TSPAN18: variants seen among roughly 807,000 people sequenced by gnomAD.
TSPAN18 encodes tetraspanin 18, also known as tetraspanin-18.
A neutral mutation model predicts 27.3 loss-of-function variants in TSPAN18; 14 were observed. The ratio of observed to expected loss-of-function variants is 0.51; its 90% CI spans 0.34 to 0.80. The LOEUF is 0.80. Among genes scored for constraint, TSPAN18 ranks in the 30% least tolerant of loss-of-function variants. The pLI is 0.01. For missense variants in TSPAN18, 268 were observed against 323.9 expected (o/e 0.83, Z 1.32); for synonymous variants, 143 against 136.5 (o/e 1.05, Z -0.33).
intron 1 of TSPAN18, among the ~76,000 whole-genome samples, chr11:44,733,734 A>T (rs1386598008): frequency 2.0e-5 from 3 of 152,096 alleles, no homozygotes; most frequent in Non-Finnish European, 4.4e-5. Flanking sequence ...TGGGACCCAC[A>T]TTTGGGCCGC....
At chr11:44,925,974 G>A (rs1055247168) in intron 8 of TSPAN18, among the ~76,000 whole-genome samples, 1 of 152,030 alleles carries the variant, frequency 6.6e-6, no homozygotes, top group African/African-American at 2.4e-5. Flanking sequence ...TCTCGATCTC[G>A]ATCTCGATCT....
intron 2 of TSPAN18, among the ~76,000 whole-genome samples, chr11:44,772,603 A>G (rs1036979246): frequency 3.3e-5 from 5 of 152,232 alleles, no homozygotes; most frequent in Non-Finnish European, 5.9e-5. Context: ...TAGTTTATTC[A>G]TGATAGGTAA....
intron 2 of TSPAN18, among the ~76,000 whole-genome samples, chr11:44,848,367 T>G (rs1857527678): frequency 1.3e-5 from 2 of 152,216 alleles, no homozygotes; most frequent in Admixed American, 1.3e-4. Flanking sequence ...CTGGCTCTGC[T>G]GGCTCCACTG....
chr11:44,853,277 G>A (rs1857648155), intron 2 of TSPAN18, among the ~76,000 whole-genome samples: 1 of 152,100 alleles, frequency 6.6e-6, no homozygotes, highest in Non-Finnish European at 1.5e-5. Flanking sequence ...CTTGGGTTAG[G>A]GACGTAGAGT....
intron 2 of TSPAN18, among the ~76,000 whole-genome samples, chr11:44,827,535 G>A (rs1230946575): frequency 2.0e-5 from 3 of 152,216 alleles, no homozygotes; most frequent in African/African-American, 7.2e-5. Context: ...GGTGTCTCCA[G>A]GTAGGTGATT....
In TSPAN18 at chr11:44,919,867, G is replaced by A; in HGVS notation, c.483G>A (p.Val161=). The A allele has an allele frequency of 6.2e-7, 1 of 1,614,210 alleles. No individual in the cohort carries two copies. Among genetic ancestry groups the A allele is most frequent in the Non-Finnish European group, 8.5e-7 (1 of 1,180,030 alleles). ...CTGAAGACTTTAAGTTTGCATCTGTGTTTCGACTCCTGACCCTGGATAGTG... is the reference window on the plus strand; with the variant it reads ...CTGAAGACTTTAAGTTTGCATCTGTATTTCGACTCCTGACCCTGGATAGTG... ...NGPEDFKFAS[V]FRLLTLDSEE... Residue 161 remains valine (V), a synonymous_variant, in exon 8 of 10, where the codon GTG becomes GTA. Coordinates refer to ENST00000520358, the MANE Select transcript of TSPAN18 (RefSeq NM_130783.5).
At chr11:44,919,715 T>A (rs1395962734) in intron 7 of TSPAN18, 102 bp from the exon 8 acceptor site, 6 of 1,216,436 alleles carry the variant, frequency 4.9e-6, no homozygotes, top group Admixed American at 3.8e-5. Context: ...CCACACCCAG[T>A]CTTCTGATGC....
At chr11:44,825,501 A>G (rs116758135) in intron 2 of TSPAN18, among the ~76,000 whole-genome samples, 2,062 of 152,208 alleles carry the variant, frequency 0.014, 54 homozygotes, top group African/African-American at 0.047. Context: ...GCCCCGATTC[A>G]CTGGTGGGCT....
chr11:44,900,026 T>C (rs1314714540), intron 3 of TSPAN18, among the ~76,000 whole-genome samples: 2 of 152,318 alleles, frequency 1.3e-5, no homozygotes, highest in South Asian at 2.1e-4. Flanking sequence ...CCTCCAGAGA[T>C]TCTCCATGGT....
intron 3 of TSPAN18, among the ~76,000 whole-genome samples, chr11:44,896,291 C>G (rs190298121): frequency 6.6e-6 from 1 of 152,144 alleles, no homozygotes; most frequent in Non-Finnish European, 1.5e-5. Context: ...TTGACTCTGA[C>G]CCCTGAGTTT....
intron 3 of TSPAN18, among the ~76,000 whole-genome samples, chr11:44,896,104 A>T (rs961192977): frequency 1.3e-5 from 2 of 152,164 alleles, no homozygotes; most frequent in East Asian, 3.9e-4. Context: ...AGTGGATGGT[A>T]GATGGCTGAC....
chr11:44,897,327 G>A (rs1015748163), intron 3 of TSPAN18, among the ~76,000 whole-genome samples: 1 of 152,172 alleles, frequency 6.6e-6, no homozygotes, highest in African/African-American at 2.4e-5. Flanking sequence ...GGGTTTTGGG[G>A]GAGGAAGTTG....
At chr11:44,855,452 C>T (rs1359115460) in intron 2 of TSPAN18, among the ~76,000 whole-genome samples, 1 of 152,194 alleles carries the variant, frequency 6.6e-6, no homozygotes, top group African/African-American at 2.4e-5. Flanking sequence ...AAGCATTCGA[C>T]AATCACTATA....
intron 2 of TSPAN18, among the ~76,000 whole-genome samples, chr11:44,809,884 A>G (rs1326767562): frequency 6.6e-6 from 1 of 152,130 alleles, no homozygotes; most frequent in Admixed American, 6.5e-5. Flanking sequence ...TGCATCTTAT[A>G]TTGTCAAAAT....
At chr11:44,831,511 C>T (rs182639234) in intron 2 of TSPAN18, among the ~76,000 whole-genome samples, 2 of 152,300 alleles carry the variant, frequency 1.3e-5, no homozygotes, top group Admixed American at 6.5e-5. Flanking sequence ...AAAGCATGTC[C>T]AAGGATCCAA....
chr11:44,806,022 G>A (rs889280543), intron 2 of TSPAN18, among the ~76,000 whole-genome samples: 2 of 150,024 alleles, frequency 1.3e-5, no homozygotes, highest in African/African-American at 4.9e-5. Flanking sequence ...CACACATTTT[G>A]AGGGAACACT....
chr11:44,770,485 G>A (rs76472424), intron 2 of TSPAN18, among the ~76,000 whole-genome samples: 4,391 of 152,170 alleles, frequency 0.029, 104 homozygotes, highest in Non-Finnish European at 0.045. Context: ...GGATGCTGGG[G>A]TGCTACACCC....
chr11:44,912,092 G>A (rs1467831827), intron 5 of TSPAN18, among the ~76,000 whole-genome samples: 3 of 151,608 alleles, frequency 2.0e-5, no homozygotes, highest in Admixed American at 1.3e-4. Context: ...TGTGATCTCA[G>A]CTCACTGCAG....
rs142957647 is a variant in TSPAN18 at position 44,917,989 on chromosome 11, G to T, written c.276G>T (p.Leu92=). The change falls in exon 6 of 10, where the codon CTG becomes CTT. Residue 92 remains leucine, a synonymous_variant. Coordinates refer to ENST00000520358, the MANE Select transcript of TSPAN18 (RefSeq NM_130783.5). ...CLLLFFFLFI[L]IIFLAELSAA... is the part of the protein sequence containing the mutation. ...CCCTGCAGTTCTTCCTGTTCATCCT[G>T]ATCATCTTCCTGGCAGAGCTCTCAG... The T allele has an allele frequency of 5.2e-5, 84 of 1,614,056 alleles. No homozygotes were observed. Among genetic ancestry groups the T allele is most frequent in the Middle Eastern group, 1.6e-4 (1 of 6,062 alleles).
Sources: allele counts gnomAD v4.1 joint callset (sites outside exome capture counted in the v4.1 genomes callset), GRCh38; gene constraint gnomAD v4.1.1; transcripts MANE v1.5; gene names NCBI Gene and HGNC (gene_info 2026-07-23, HGNC 2026-07-21).